Variants in CFAP210 observed in about 807,000 individuals in gnomAD.
CFAP210 encodes the protein cilia and flagella associated protein 210.
At chr2:169,650,120 T>G in the CFAP210 span, among the ~76,000 whole-genome samples, 364 of 152,368 alleles carry the variant, frequency 2.4e-3, no homozygotes, top group African/African-American at 8.6e-3. Flanking sequence ...ATTATTACTT[T>G]GCATCTATAA....
At chr2:169,691,793 T>C in the CFAP210 span, among the ~76,000 whole-genome samples, 1 of 152,244 alleles carries the variant, frequency 6.6e-6, no homozygotes, top group Non-Finnish European at 1.5e-5. Flanking sequence ...CTGCTGTTGT[T>C]GTTTGTTTCA....
At chr2:169,667,735 A>G in the CFAP210 span, among the ~76,000 whole-genome samples, 1 of 152,072 alleles carries the variant, frequency 6.6e-6, no homozygotes, top group Non-Finnish European at 1.5e-5. Flanking sequence ...TTTTGAAAGG[A>G]ATATTTTTTT....
At chr2:169,673,441 A>G in the CFAP210 span, among the ~76,000 whole-genome samples, 1 of 152,256 alleles carries the variant, frequency 6.6e-6, no homozygotes, top group Non-Finnish European at 1.5e-5. Context: ...AGATCTCTAC[A>G]CTGCCAAAGA....
the CFAP210 span, among the ~76,000 whole-genome samples, chr2:169,663,914 C>T: frequency 7.1e-3 from 1,072 of 151,570 alleles, 5 homozygotes; most frequent in Non-Finnish European, 9.9e-3. Flanking sequence ...CATGTCTGGG[C>T]GCAGTGGCTC....
chr2:169,694,165 A>G, the CFAP210 span: 1 of 1,205,362 alleles, frequency 8.3e-7, no homozygotes, highest in Non-Finnish European at 1.2e-6. Flanking sequence ...TCCATTTCAA[A>G]AGGCAACTGA....
At chr2:169,694,334 CCTAGAT>C in the CFAP210 span, 9 of 1,613,824 alleles carry the variant, frequency 5.6e-6, no homozygotes, top group Non-Finnish European at 7.6e-6. Context: ...CCATGATGCT[CCTAGAT>C]CTGGAAAAGT....
At chr2:169,667,142 C>CTT in the CFAP210 span, among the ~76,000 whole-genome samples, 29 of 58,090 alleles carry the variant, frequency 5.0e-4, no homozygotes, top group Admixed American at 9.4e-4. Flanking sequence ...TTTCTTTTTT[C>CTT]TTTTTTTTTT....
chr2:169,645,962 C>T, the CFAP210 span: 1 of 1,613,934 alleles, frequency 6.2e-7, no homozygotes, highest in Admixed American at 1.7e-5. Flanking sequence ...TCTTAATCCA[C>T]CTCTGTCCAC....
At chr2:169,657,374 G>A in the CFAP210 span, among the ~76,000 whole-genome samples, 579 of 152,240 alleles carry the variant, frequency 3.8e-3, 4 homozygotes, top group African/African-American at 0.013. Flanking sequence ...TGGAGCACCA[G>A]AGATAAAGAC....
the CFAP210 span, chr2:169,694,316 C>T: frequency 1.2e-6 from 2 of 1,613,932 alleles, no homozygotes; most frequent in Non-Finnish European, 1.7e-6. Context: ...GCATCTCTGA[C>T]GAGGTGTCCA....
chr2:169,669,076 A>G, the CFAP210 span, among the ~76,000 whole-genome samples: 2 of 152,226 alleles, frequency 1.3e-5, no homozygotes, highest in African/African-American at 2.4e-5. Context: ...ATAAGAGACT[A>G]AGTAAAAGAG....
the CFAP210 span, among the ~76,000 whole-genome samples, chr2:169,666,986 A>T: frequency 6.6e-6 from 1 of 152,188 alleles, no homozygotes; most frequent in African/African-American, 2.4e-5. Context: ...TTCTAATTCT[A>T]GTTATCTTGC....
chr2:169,657,742 AT>A, the CFAP210 span, among the ~76,000 whole-genome samples: 1 of 152,082 alleles, frequency 6.6e-6, no homozygotes, highest in African/African-American at 2.4e-5. Flanking sequence ...CAAAAAAAAA[AT>A]AAGAAAGAAA....
chr2:169,659,908 T>C, the CFAP210 span, among the ~76,000 whole-genome samples: 4 of 152,198 alleles, frequency 2.6e-5, no homozygotes, highest in African/African-American at 9.7e-5. Context: ...AACTTATCCA[T>C]GTATTCTTGA....
At chr2:169,650,358 T>G in the CFAP210 span, 2 of 1,596,118 alleles carry the variant, frequency 1.3e-6, no homozygotes, top group Non-Finnish European at 1.7e-6. Flanking sequence ...GCAATTGTTT[T>G]TAATTCTGCT....
chr2:169,649,694 C>T, the CFAP210 span, among the ~76,000 whole-genome samples: 10 of 152,020 alleles, frequency 6.6e-5, no homozygotes, highest in Non-Finnish European at 1.2e-4. Flanking sequence ...TTTGGGAGGC[C>T]GAGGTGGGCG....
At chr2:169,691,564 G>A in the CFAP210 span, among the ~76,000 whole-genome samples, 1 of 152,030 alleles carries the variant, frequency 6.6e-6, no homozygotes, top group Non-Finnish European at 1.5e-5. Flanking sequence ...ATTCAACTGA[G>A]CACAAAATGG....
the CFAP210 span, among the ~76,000 whole-genome samples, chr2:169,664,504 T>G: frequency 0.1 from 15,240 of 152,244 alleles, 965 homozygotes; most frequent in Middle Eastern, 0.19. Context: ...AATTAAAAAT[T>G]TAATTAGCTG....
At chr2:169,646,105 A>G in the CFAP210 span, 1 of 1,613,976 alleles carries the variant, frequency 6.2e-7, no homozygotes, top group Non-Finnish European at 8.5e-7. Flanking sequence ...TCTCCTTTTC[A>G]GCCACAAGAG....
Sources: allele counts gnomAD v4.1 joint callset (sites outside exome capture counted in the v4.1 genomes callset), GRCh38; gene constraint gnomAD v4.1.1; transcripts MANE v1.5; gene names NCBI Gene and HGNC (gene_info 2026-07-23, HGNC 2026-07-21).